Variants in ESRRG observed in about 807,000 individuals in gnomAD.
ESRRG encodes the protein estrogen related receptor gamma.
A neutral mutation model predicts 44.0 loss-of-function variants in ESRRG; 13 were observed. The observed-to-expected ratio is 0.30, with a 90% CI of 0.19 to 0.47. The LOEUF is 0.47. Ranked by LOEUF, ESRRG falls within the 20% of genes least tolerant of loss-of-function variation. ESRRG has a pLI of 1.00. For synonymous variants in ESRRG, 215 were observed against 214.6 expected (o/e 1.00, Z -0.02); for missense variants, 395 against 580.6 (o/e 0.68, Z 3.29).
chr1:216,779,866 C>T (rs1450158304), intron 2 of ESRRG, among the ~76,000 whole-genome samples: 1 of 151,550 alleles, frequency 6.6e-6, no homozygotes, highest in East Asian at 2.0e-4. Context: ...ACACTCAGTA[C>T]TTTCATCTGT....
intron 1 of ESRRG, among the ~76,000 whole-genome samples, chr1:217,041,194 T>C (rs1465715023): frequency 4.6e-5 from 7 of 152,226 alleles, no homozygotes; most frequent in African/African-American, 1.7e-4. Flanking sequence ...CAGGGATCTC[T>C]AGCTAAGAGG....
Position 216,943,719 on chromosome 1 carries a change from T to C in ESRRG, c.-105-4046A>G, listed in dbSNP as rs547274251. Among the ~76,000 whole-genome samples, 3 of 152,268 alleles carry C rather than the reference T, an allele frequency of 2.0e-5. No homozygotes were observed. The South Asian group carries it at 6.2e-4, about 32-fold the overall frequency. On this transcript the variant is annotated intron_variant, in intron 1 of 7. Coordinates refer to the ESRRG transcript ENST00000359162. ...AAAGGGGAAACACACATATTTCCTT[T>C]AGTCATTCTGAAGATAACCCTAGCG...
chr1:217,119,170 A>G (rs189821434), intron 1 of ESRRG, among the ~76,000 whole-genome samples: 145 of 152,374 alleles, frequency 9.5e-4, no homozygotes, highest in Non-Finnish European at 1.8e-3. Flanking sequence ...CAATTAAAAT[A>G]GCACCATTCA....
At chr1:216,704,361 A>G (rs1017513842) in intron 1 of ESRRG, among the ~76,000 whole-genome samples, 2 of 152,116 alleles carry the variant, frequency 1.3e-5, no homozygotes, top group African/African-American at 4.8e-5. Flanking sequence ...TAAAAATACA[A>G]AAAAATTTAG....
Position 216,723,410 on chromosome 1 carries a change from G to C in ESRRG, c.-111C>G. The C allele has an allele frequency of 6.1e-6, 6 of 984,302 alleles. No homozygotes were observed. The highest frequency in any genetic ancestry group is 8.1e-6 in the Non-Finnish European group (5 of 620,368). The allele number at this position is 984,302 out of a possible 1,614,324, so 61.0% of individuals were successfully genotyped here. ...TCCTAGTGACAAGCCTATAGGCACA[G>C]CCAGTTGGGACCAAAGCTCTCACAC... On this transcript the variant is annotated 5_prime_UTR_variant, in exon 1 of 7. Transcript: ENST00000408911.
intron 3 of ESRRG, among the ~76,000 whole-genome samples, chr1:216,569,227 G>A (rs1391433248): frequency 1.1e-4 from 16 of 144,444 alleles, no homozygotes; most frequent in Non-Finnish European, 2.3e-4. Flanking sequence ...GAAAGGAAAG[G>A]AAAGGAAAGG....
At chr1:216,787,076 G>A (rs2094150959) in intron 2 of ESRRG, among the ~76,000 whole-genome samples, 2 of 151,992 alleles carry the variant, frequency 1.3e-5, no homozygotes, top group South Asian at 4.1e-4. Context: ...TCACATTTTT[G>A]TCATTCTCAT....
At chr1:216,768,319 C>T (rs1261481432) in intron 2 of ESRRG, among the ~76,000 whole-genome samples, 3 of 152,068 alleles carry the variant, frequency 2.0e-5, no homozygotes, top group Non-Finnish European at 4.4e-5. Flanking sequence ...CTGTAATATC[C>T]TAATATCTAT....
intron 2 of ESRRG, among the ~76,000 whole-genome samples, chr1:216,733,987 T>TAAA (rs397796087): frequency 0.015 from 1,623 of 107,192 alleles, 17 homozygotes; most frequent in Non-Finnish European, 0.024. Flanking sequence ...CAAGACTCTG[T>TAAA]AAAAAAAAAA....
At position 216,784,850 on chromosome 1, in the gene ESRRG, A is replaced by T. The variant is rs879872100; in HGVS notation, c.-13-107359T>A. The stretch of plus-strand genomic sequence containing the variant: ...AAAAATCACACTCAAGTGAGCACTG[A>T]ATTATTCATGCACTCCGATTTTACA... On this transcript the variant is annotated intron_variant, in intron 2 of 7. Coordinates refer to the ESRRG transcript ENST00000359162. 1.6e-4 allele frequency among the ~76,000 whole-genome samples: 25 copies of T among 152,194 alleles called. 1 individual carries two copies. The highest frequency in any genetic ancestry group is 3.9e-4 in the Admixed American group (6 of 15,256).
chr1:216,732,600 T>C (rs1219658972), intron 2 of ESRRG, among the ~76,000 whole-genome samples: 13 of 151,848 alleles, frequency 8.6e-5, no homozygotes, highest in Admixed American at 7.2e-4. Context: ...TGGTCTCGAA[T>C]GCCTGACCTC....
intron 1 of ESRRG, among the ~76,000 whole-genome samples, chr1:217,021,217 G>A (rs945308097): frequency 6.6e-6 from 1 of 152,114 alleles, no homozygotes; most frequent in African/African-American, 2.4e-5. Context: ...TTGTTAGTGG[G>A]ACTAGCTGGT....
chr1:216,747,921 C>T (rs544262914), intron 2 of ESRRG, among the ~76,000 whole-genome samples: 10 of 152,128 alleles, frequency 6.6e-5, no homozygotes, highest in Non-Finnish European at 1.5e-4. Flanking sequence ...TCTATCAACT[C>T]CATTTTGCTT....
At chr1:217,097,581 T>G (rs1246065478) in intron 1 of ESRRG, among the ~76,000 whole-genome samples, 1 of 152,206 alleles carries the variant, frequency 6.6e-6, no homozygotes, top group African/African-American at 2.4e-5. Context: ...TGAGGAATTT[T>G]CCTAAGCTCT....
At chr1:216,607,636 A>G (rs2060107744) in intron 3 of ESRRG, among the ~76,000 whole-genome samples, 1 of 151,928 alleles carries the variant, frequency 6.6e-6, no homozygotes, top group Non-Finnish European at 1.5e-5. Flanking sequence ...TGAATATTAC[A>G]TTTCCTTCTC....
At chr1:216,547,765 A>C (rs1179719789) in intron 5 of ESRRG, among the ~76,000 whole-genome samples, 1 of 152,092 alleles carries the variant, frequency 6.6e-6, no homozygotes, top group Non-Finnish European at 1.5e-5. Context: ...ACAGCTATGC[A>C]ACATTCCCTT....
At chr1:216,908,376 G>GC (rs1322749292) in intron 2 of ESRRG, among the ~76,000 whole-genome samples, 1 of 152,198 alleles carries the variant, frequency 6.6e-6, no homozygotes, top group Non-Finnish European at 1.5e-5. Flanking sequence ...AGGAGAAATT[G>GC]CCCTCAGACG....
chr1:217,111,505 T>A (rs1340311102), intron 1 of ESRRG, among the ~76,000 whole-genome samples: 1 of 152,190 alleles, frequency 6.6e-6, no homozygotes, highest in Non-Finnish European at 1.5e-5. Context: ...TCCATGGCAT[T>A]CAAAACTATG....
chr1:216,543,304 T>C (rs2053457966), intron 5 of ESRRG, among the ~76,000 whole-genome samples: 1 of 152,068 alleles, frequency 6.6e-6, no homozygotes, highest in Non-Finnish European at 1.5e-5. Context: ...CAGGTATTTT[T>C]TGAAGTTTTC....
Sources: gnomAD v4.1 joint callset for allele counts (sites outside exome capture counted in the v4.1 genomes callset) on GRCh38, gnomAD v4.1.1 for gene constraint, MANE v1.5 for transcripts, NCBI Gene and HGNC (gene_info 2026-07-23, HGNC 2026-07-21) for gene names.